The following TRPC4AP variants were observed in gnomAD, a reference collection of about 807,000 sequenced individuals.
The protein encoded by TRPC4AP is transient receptor potential cation channel subfamily C member 4 associated protein, also known as short transient receptor potential channel 4-associated protein.
In TRPC4AP, 45 loss-of-function variants were observed where a neutral mutation model predicts 99.0. That is an observed-to-expected ratio of 0.45 (90% CI 0.36 to 0.58). The LOEUF (loss-of-function observed/expected upper bound fraction) is 0.58. TRPC4AP is among the 20% of genes least tolerant of loss of function. TRPC4AP has a pLI of 0.00. For missense variants in TRPC4AP, 879 were observed against 985.3 expected (o/e 0.89, Z 1.44); for synonymous variants, 408 against 385.8 (o/e 1.06, Z -0.67).
intron 1 of TRPC4AP, among the ~76,000 whole-genome samples, chr20:35,088,544 A>G (rs763367178): frequency 6.6e-6 from 1 of 152,256 alleles, no homozygotes; most frequent in Non-Finnish European, 1.5e-5. Context: ...GCTGAGAGCA[A>G]CTATTTACTA....
At chr20:35,007,756 C>T in intron 13 of TRPC4AP, 116 bp from the exon 14 acceptor site, 2 of 1,034,136 alleles carry the variant, frequency 1.9e-6, no homozygotes, top group Admixed American at 2.0e-5. Context: ...ATTTACTGAA[C>T]ATCTACCAAG....
intron 1 of TRPC4AP, among the ~76,000 whole-genome samples, chr20:35,084,512 GTATATATGTGTATA>G (rs2084751561): frequency 6.9e-6 from 1 of 145,866 alleles, no homozygotes; most frequent in Non-Finnish European, 1.5e-5. Flanking sequence ...ATGTATATAC[GTATATATGTGTATA>G]TATGTATATA....
chr20:35,043,527 G>A lies in TRPC4AP; in HGVS notation c.865+978C>T, dbSNP rs186444352. ...CTCCCAAAGTGCTGGGATTACAGGCGTTAAGCCACCGTGCCTGGCCTCAGT... is the reference window on the plus strand; with the variant it reads ...CTCCCAAAGTGCTGGGATTACAGGCATTAAGCCACCGTGCCTGGCCTCAGT... On this transcript the variant is annotated intron_variant, in intron 7 of 18. Coordinates refer to ENST00000252015, the MANE Select transcript of TRPC4AP (RefSeq NM_015638.3). Among the ~76,000 whole-genome samples, 546 of 152,216 alleles carry A rather than the reference G, an allele frequency of 3.6e-3. 18 individuals carry two copies. In the South Asian group the frequency reaches 0.053, roughly 15 times the overall value.
intron 8 of TRPC4AP, among the ~76,000 whole-genome samples, chr20:35,033,768 G>T (rs886832403): frequency 6.6e-6 from 1 of 151,984 alleles, no homozygotes; most frequent in Non-Finnish European, 1.5e-5. Context: ...AAGGAGGGTG[G>T]ATCACTTGAG....
At chr20:35,003,926 C>G (rs569467173) in intron 17 of TRPC4AP, among the ~76,000 whole-genome samples, 2 of 152,192 alleles carry the variant, frequency 1.3e-5, no homozygotes, top group African/African-American at 2.4e-5. Context: ...GGGCTGGGTG[C>G]GTGTGTTGGG....
intron 16 of TRPC4AP, 54 bp from the exon 17 acceptor site, chr20:35,004,624 C>A: frequency 6.6e-7 from 1 of 1,516,708 alleles, no homozygotes; most frequent in South Asian, 1.2e-5. Context: ...GTGGCTGGGT[C>A]GCCCAGGCCT....
intron 3 of TRPC4AP, 55 bp from the exon 4 acceptor site, chr20:35,057,626 A>G (rs2083871166): frequency 6.8e-7 from 1 of 1,464,234 alleles, no homozygotes; most frequent in African/African-American, 1.4e-5. Flanking sequence ...TAACTTATAA[A>G]ATGATTTTGC....
At chr20:35,011,570 T>A (rs1313316017) in intron 11 of TRPC4AP, among the ~76,000 whole-genome samples, 1 of 152,112 alleles carries the variant, frequency 6.6e-6, no homozygotes, top group East Asian at 1.9e-4. Flanking sequence ...TGTACCATTG[T>A]GAAGTTGAAA....
chr20:35,074,693 T>C (rs1302468192), intron 2 of TRPC4AP, among the ~76,000 whole-genome samples: 1 of 152,234 alleles, frequency 6.6e-6, no homozygotes, highest in Non-Finnish European at 1.5e-5. Flanking sequence ...CTTCCAACTA[T>C]GTGGTCAATT....
chr20:35,092,568 C>A, intron 1 of TRPC4AP, 46 bp downstream of exon 1: 2 of 1,401,884 alleles, frequency 1.4e-6, no homozygotes, highest in Non-Finnish European at 9.3e-7. Context: ...CCCGCCAGCT[C>A]CCGCCTGGTC....
chr20:35,068,905 T>C (rs1215427882), intron 3 of TRPC4AP, among the ~76,000 whole-genome samples: 2 of 148,064 alleles, frequency 1.4e-5, no homozygotes, highest in Admixed American at 6.8e-5. Flanking sequence ...TCACTCTATG[T>C]GCGGAGAAAA....
At chr20:35,050,662 T>C (rs898739309) in intron 5 of TRPC4AP, among the ~76,000 whole-genome samples, 1 of 149,704 alleles carries the variant, frequency 6.7e-6, no homozygotes, top group Non-Finnish European at 1.5e-5. Context: ...GCAGTGAGCC[T>C]AGACTGTGCA....
intron 7 of TRPC4AP, among the ~76,000 whole-genome samples, chr20:35,036,347 A>T (rs932367327): frequency 6.6e-6 from 1 of 152,240 alleles, no homozygotes; most frequent in Non-Finnish European, 1.5e-5. Context: ...CGTCAAGTGG[A>T]AAAGGGGATT....
rs182198447 is a variant in TRPC4AP at position 35,079,834 on chromosome 20, T to C, written c.169-1660A>G. Among the ~76,000 whole-genome samples the C allele has an allele frequency of 2.0e-4, 30 of 149,822 alleles. No homozygotes were observed. In the East Asian group the frequency reaches 5.4e-3, roughly 27 times the overall value. On this transcript the variant is annotated intron_variant, in intron 1 of 18. Coordinates refer to ENST00000252015, the MANE Select transcript of TRPC4AP (RefSeq NM_015638.3). ...GAGTTCAAGACCAGCCTGAGCAACA[T>C]AGCGAGAGCTCGCCTCTACTAAAAA...
chr20:35,088,258 T>C (rs893043401), intron 1 of TRPC4AP, among the ~76,000 whole-genome samples: 1 of 152,280 alleles, frequency 6.6e-6, no homozygotes, highest in East Asian at 1.9e-4. Flanking sequence ...ACTTTACAAA[T>C]AAATAAACTG....
At chr20:35,005,351 G>A (rs1312126992) in intron 16 of TRPC4AP, among the ~76,000 whole-genome samples, 1 of 152,232 alleles carries the variant, frequency 6.6e-6, no homozygotes, top group Non-Finnish European at 1.5e-5. Flanking sequence ...AGCAAGTCCA[G>A]GAGGGTTCAG....
At chr20:35,063,572 T>C (rs2084062726) in intron 3 of TRPC4AP, among the ~76,000 whole-genome samples, 1 of 152,172 alleles carries the variant, frequency 6.6e-6, no homozygotes, top group African/African-American at 2.4e-5. Flanking sequence ...AAAGCTGTTA[T>C]TGCTGGGGAG....
At chr20:35,015,653 G>A (rs920291694) in intron 10 of TRPC4AP, among the ~76,000 whole-genome samples, 5 of 150,906 alleles carry the variant, frequency 3.3e-5, no homozygotes, top group African/African-American at 1.2e-4. Flanking sequence ...AGTGAGAGAC[G>A]CAAGTGTCTC....
At chr20:35,077,205 G>C (rs1273784055) in intron 2 of TRPC4AP, among the ~76,000 whole-genome samples, 1 of 152,142 alleles carries the variant, frequency 6.6e-6, no homozygotes, top group Non-Finnish European at 1.5e-5. Context: ...CCCACCCCTT[G>C]CGACTCCCAG....
Sources: allele counts gnomAD v4.1 joint callset (sites outside exome capture counted in the v4.1 genomes callset), GRCh38; gene constraint gnomAD v4.1.1; transcripts MANE v1.5; gene names NCBI Gene and HGNC (gene_info 2026-07-23, HGNC 2026-07-21).